SLC39A14: variants seen among roughly 807,000 people sequenced by gnomAD.
SLC39A14 encodes metal cation symporter ZIP14.
Under a neutral mutation model 45.5 loss-of-function variants are expected in SLC39A14, and 19 were observed. The ratio of observed to expected loss-of-function variants is 0.42; its 90% confidence interval spans 0.29 to 0.61. SLC39A14 has a LOEUF of 0.61. Among genes scored for constraint, SLC39A14 ranks in the 20% least tolerant of loss-of-function variants. SLC39A14 has a pLI of 0.22. For missense variants in SLC39A14, 447 were observed against 616.5 expected, an observed-to-expected ratio of 0.73 and a Z score of 2.91; for synonymous variants, 264 against 251.3, an observed-to-expected ratio of 1.05 and a Z score of -0.48.
chr8:22,419,449 T>C, intron 8 of SLC39A14, 103 bp from the exon 9 acceptor site: 1 of 1,204,556 alleles, frequency 8.3e-7, no homozygotes, highest in Non-Finnish European at 1.2e-6. Flanking sequence ...CCTGATAATT[T>C]TCTTTGTCAA....
chr8:22,433,677 A>G (rs1368426751), intron 8 of SLC39A14, among the ~76,000 whole-genome samples: 1 of 150,938 alleles, frequency 6.6e-6, no homozygotes, highest in Admixed American at 6.7e-5. Context: ...CTCCCATCTC[A>G]GCCTCCCAAG....
chr8:22,391,824 T>C (rs141231337), intron 1 of SLC39A14, among the ~76,000 whole-genome samples: 1,830 of 152,246 alleles, frequency 0.012, 37 homozygotes, highest in African/African-American at 0.042. Flanking sequence ...TGCCTTGGCC[T>C]CCCAAAGTGC....
Position 22,419,864 on chromosome 8 carries a change from C to G in SLC39A14, c.*166C>G, listed in dbSNP as rs1456951122. Reference sequence around the variant, plus strand: ...GTCAGCCGTTTGTAAAATGCTGTATCCTAGGAATAAGCTGCCCTGGTAACC... The same window carrying G: ...GTCAGCCGTTTGTAAAATGCTGTATGCTAGGAATAAGCTGCCCTGGTAACC... On this transcript the variant is annotated 3_prime_UTR_variant, in exon 9 of 9. Transcript: ENST00000381237. 106 of 1,337,274 alleles carry G rather than the reference C, an allele frequency of 7.9e-5. No individual in the cohort carries two copies. The highest frequency in any genetic ancestry group is 1.0e-4 in the Non-Finnish European group (105 of 1,047,372). 82.8% of individuals were successfully genotyped at this position (1,337,274 alleles called of 1,614,324 possible).
chr8:22,423,811 T>TCA (rs1554523077), downstream of SLC39A14, among the ~76,000 whole-genome samples: 7 of 150,650 alleles, frequency 4.6e-5, no homozygotes, highest in African/African-American at 1.7e-4. Context: ...TCTCTCTCTC[T>TCA]CATCTATCTT....
intron 1 of SLC39A14, chr8:22,390,468 G>C (rs1834009684): frequency 6.6e-6 from 1 of 151,988 alleles, no homozygotes; most frequent in Non-Finnish European, 1.5e-5. Flanking sequence ...ACCATGCCCG[G>C]CTAATTTTTG....
intron 1 of SLC39A14, among the ~76,000 whole-genome samples, chr8:22,399,238 C>T (rs1834706327): frequency 6.6e-6 from 1 of 152,194 alleles, no homozygotes; most frequent in Non-Finnish European, 1.5e-5. Flanking sequence ...CGGACCCCTG[C>T]CCGGCCTCCC....
chr8:22,398,051 A>G (rs1164033609), intron 1 of SLC39A14, among the ~76,000 whole-genome samples: 3 of 152,154 alleles, frequency 2.0e-5, no homozygotes, highest in Non-Finnish European at 4.4e-5. Context: ...TTGAGAAGAC[A>G]GCTGCGGGGA....
At chr8:22,379,167 C>T (rs960316933) in intron 1 of SLC39A14, among the ~76,000 whole-genome samples, 2 of 152,188 alleles carry the variant, frequency 1.3e-5, no homozygotes, top group South Asian at 2.1e-4. Context: ...TCCAAATCTC[C>T]CTCTCCTTTC....
chr8:22,374,511 G>GAA (rs1487713867), intron 1 of SLC39A14, among the ~76,000 whole-genome samples: 1 of 152,090 alleles, frequency 6.6e-6, no homozygotes, highest in African/African-American at 2.4e-5. Flanking sequence ...GGGAGAGAGA[G>GAA]CAGGGTCCTG....
At position 22,421,991 on chromosome 8, in the gene SLC39A14, G is replaced by A. The variant is rs558383591; in HGVS notation, c.*2293G>A. On this transcript the variant is annotated 3_prime_UTR_variant, in exon 9 of 9. Coordinates refer to ENST00000381237, the MANE Select transcript of SLC39A14 (RefSeq NM_001128431.4). Reference sequence around the variant, plus strand: ...TCCTAGTCGGAGCTTAGGAGGGGCGGAGACGCTCACATCGTCTGACTTGAG... The same window carrying A: ...TCCTAGTCGGAGCTTAGGAGGGGCGAAGACGCTCACATCGTCTGACTTGAG... 176 of 985,440 alleles carry A rather than the reference G, an allele frequency of 1.8e-4. No individual in the cohort carries two copies. The African/African-American group carries it at 3.0e-3, about 17-fold the overall frequency. 61.0% of individuals were successfully genotyped at this position (985,440 alleles called of 1,614,324 possible). A position where few individuals can be genotyped will look rare whatever the true frequency, so the allele number is the denominator to read the frequency against.
At chr8:22,430,065 A>G (rs1836444105) in intron 8 of SLC39A14, among the ~76,000 whole-genome samples, 1 of 152,236 alleles carries the variant, frequency 6.6e-6, no homozygotes, top group South Asian at 2.1e-4. Context: ...TGCAGCAGAC[A>G]TGAGGGAAGA....
intron 3 of SLC39A14, among the ~76,000 whole-genome samples, chr8:22,409,170 G>C (rs997369966): frequency 6.6e-6 from 1 of 151,924 alleles, no homozygotes; most frequent in African/African-American, 2.4e-5. Context: ...GGCTGCACTT[G>C]GCCCCTGAAT....
At chr8:22,378,303 T>A (rs1013463745) in intron 1 of SLC39A14, among the ~76,000 whole-genome samples, 1 of 152,174 alleles carries the variant, frequency 6.6e-6, no homozygotes, top group Non-Finnish European at 1.5e-5. Flanking sequence ...CGTTTATCAT[T>A]TCTCAATTCT....
intron 1 of SLC39A14, among the ~76,000 whole-genome samples, chr8:22,379,251 C>G (rs372760391): frequency 6.6e-5 from 10 of 152,314 alleles, no homozygotes; most frequent in African/African-American, 9.6e-5. Context: ...ACATCCGTAA[C>G]TGATTTTATC....
At chr8:22,412,616 G>A (rs1224246668) in intron 4 of SLC39A14, among the ~76,000 whole-genome samples, 1 of 152,128 alleles carries the variant, frequency 6.6e-6, no homozygotes, top group Non-Finnish European at 1.5e-5. Flanking sequence ...TAGTTGTGGT[G>A]CTCAGATTAA....
rs371742737 is a variant in SLC39A14, at chr8:22,417,620, G to A, written c.1148-31G>A. 35 of 1,595,276 alleles carry A rather than the reference G, an allele frequency of 2.2e-5. No homozygotes were observed. The highest frequency in any genetic ancestry group is 1.9e-4 in the South Asian group (17 of 89,536). On this transcript the variant is annotated intron_variant, in intron 7 of 8. Coordinates refer to ENST00000381237, the MANE Select transcript of SLC39A14 (RefSeq NM_001128431.4). ...ATGCCCATCTTACTCTTCCTTCCTC[G>A]TCCCTCCCCTTTTCATTCTCGCTGC...
At chr8:22,381,292 C>G (rs868355050) in intron 1 of SLC39A14, among the ~76,000 whole-genome samples, 1 of 144,192 alleles carries the variant, frequency 6.9e-6, no homozygotes, top group Non-Finnish European at 1.5e-5. Flanking sequence ...TTTTTCTCCC[C>G]GAGACAGAGT....
chr8:22,399,746 G>A (rs1292967675), intron 1 of SLC39A14, among the ~76,000 whole-genome samples: 2 of 152,266 alleles, frequency 1.3e-5, no homozygotes, highest in African/African-American at 2.4e-5. Context: ...CTGAGGGGCC[G>A]AGGGGCCGCT....
At position 22,371,414 on chromosome 8, in the gene SLC39A14, C is replaced by CTTTTTTTTTTTTTTT. The variant is rs373230777; in HGVS notation, c.-16+4029_-16+4043dup. On this transcript the variant is annotated intron_variant, in intron 1 of 8. Coordinates refer to ENST00000381237, the MANE Select transcript of SLC39A14 (RefSeq NM_001128431.4). ...GGATATCTAAAAAAAAAATACATGT[C>CTTTTTTTTTTTTTTT]TTTTTTTTTTTTTTTTTTTTTTTTT... Among the ~76,000 whole-genome samples the CTTTTTTTTTTTTTTT allele has an allele frequency of 3.3e-5, 4 of 120,048 alleles. 1 individual carries two copies. The highest frequency in any genetic ancestry group is 6.1e-5 in the Non-Finnish European group (3 of 49,488). 78.8% of individuals were successfully genotyped at this position (120,048 alleles called of 152,430 possible).
Sources: gnomAD v4.1 joint callset for allele counts (sites outside exome capture counted in the v4.1 genomes callset) on GRCh38, gnomAD v4.1.1 for gene constraint, MANE v1.5 for transcripts, NCBI Gene and HGNC (gene_info 2026-07-23, HGNC 2026-07-21) for gene names.